USF2: variants seen among roughly 807,000 people sequenced by gnomAD.
USF2 encodes the protein upstream stimulatory factor 2.
A neutral mutation model predicts 46.9 loss-of-function variants in USF2; 16 were observed. The observed-to-expected ratio is 0.34, with a 90% CI of 0.23 to 0.52. The LOEUF (loss-of-function observed/expected upper bound fraction) is 0.52, where lower values mean the gene tolerates loss of function less well. Ranked by LOEUF, USF2 falls within the 20% of genes least tolerant of loss-of-function variation. The pLI is 0.96. For synonymous variants in USF2, 239 were observed against 194.1 expected (o/e 1.23, Z -1.92); for missense variants, 411 against 474.0 (o/e 0.87, Z 1.23).
intron 7 of USF2, chr19:35,277,203 T>C (rs1160547312): frequency 1.3e-5 from 2 of 152,254 alleles, no homozygotes; most frequent in African/African-American, 2.4e-5. Flanking sequence ...CGCACCGCGA[T>C]AGTAATAGGG....
intron 7 of USF2, among the ~76,000 whole-genome samples, chr19:35,274,069 G>A (rs1194216724): frequency 6.6e-6 from 1 of 152,206 alleles, no homozygotes; most frequent in Non-Finnish European, 1.5e-5. Context: ...GGTAATGCAA[G>A]GAACTGTGTT....
At position 35,269,618 on chromosome 19, in the gene USF2, G is replaced by A; in HGVS notation, c.147G>A (p.Val49=). Reference sequence around the variant, plus strand: ...CAGGAGCGGAGGAGCAGACAGCGGTGGCCATCACCAGCGTCCAGCAGGCGG... The same window carrying A: ...CAGGAGCGGAGGAGCAGACAGCGGTAGCCATCACCAGCGTCCAGCAGGCGG... ...DGPGAEEQTA[V]AITSVQQAAF... is the part of the protein sequence containing the mutation. The change falls in exon 3 of 10, where the codon GTG becomes GTA. Residue 49 remains valine (V), a synonymous_variant. Coordinates refer to ENST00000222305, the MANE Select transcript of USF2 (RefSeq NM_003367.4). The A allele has an allele frequency of 1.3e-6, 2 of 1,595,982 alleles. No individual in the cohort carries two copies. Among genetic ancestry groups the A allele is most frequent in the South Asian group, 1.1e-5 (1 of 88,950 alleles).
chr19:35,274,967 A>G (rs1453915216), intron 7 of USF2: 1 of 152,060 alleles, frequency 6.6e-6, no homozygotes, highest in African/African-American at 2.4e-5. Context: ...GTGAAATCTG[A>G]TTTTTAGGTG....
At chr19:35,271,273 A>C (rs1461754774) in intron 7 of USF2, 132 bp downstream of exon 7, 7 of 1,027,440 alleles carry the variant, frequency 6.8e-6, no homozygotes, top group Non-Finnish European at 1.0e-5. Context: ...GCTTTGCTGG[A>C]CGCTGTAAAG....
At chr19:35,269,186 G>GC in intron 1 of USF2, 23 bp downstream of exon 1, 1 of 989,874 alleles carries the variant, frequency 1.0e-6, no homozygotes, top group Non-Finnish European at 1.2e-6. Flanking sequence ...GCCCGGCCGT[G>GC]CCCCCGCGCC....
chr19:35,278,864 C>T, intron 8 of USF2, 72 bp downstream of exon 8: 1 of 1,606,318 alleles, frequency 6.2e-7, no homozygotes, highest in Non-Finnish European at 8.5e-7. Context: ...AGTCCAACAG[C>T]CATGGGGCTC....
intron 7 of USF2, among the ~76,000 whole-genome samples, chr19:35,271,586 A>T (rs1057423022): frequency 2.0e-5 from 3 of 152,198 alleles, no homozygotes; most frequent in Non-Finnish European, 4.4e-5. Flanking sequence ...GAGAAACTGC[A>T]TGAAGTTCTG....
At chr19:35,274,019 C>T (rs905299836) in intron 7 of USF2, among the ~76,000 whole-genome samples, 1 of 152,168 alleles carries the variant, frequency 6.6e-6, no homozygotes, top group Non-Finnish European at 1.5e-5. Context: ...GAGGACTGTT[C>T]CTTGATGTCC....
intron 7 of USF2, 101 bp from the exon 8 acceptor site, chr19:35,278,597 A>T (rs2066266305): frequency 8.9e-6 from 11 of 1,239,376 alleles, no homozygotes; most frequent in Non-Finnish European, 1.2e-5. Context: ...TGGGGCCTGC[A>T]CTGTTCCTGG....
intron 4 of USF2, 23 bp downstream of exon 4, chr19:35,270,026 G>T: frequency 7.4e-7 from 1 of 1,345,682 alleles, no homozygotes. Flanking sequence ...CCACCCCTGG[G>T]TGGGGGGGGG....
At chr19:35,277,233 C>T (rs796437568) in intron 7 of USF2, 5 of 152,474 alleles carry the variant, frequency 3.3e-5, no homozygotes, top group African/African-American at 1.2e-4. Flanking sequence ...CTCGCTGAGC[C>T]CAGTGCAGGG....
intron 7 of USF2, among the ~76,000 whole-genome samples, chr19:35,273,209 T>G (rs751152047): frequency 1.3e-5 from 2 of 152,154 alleles, no homozygotes; most frequent in Non-Finnish European, 2.9e-5. Flanking sequence ...AATCTGCTCA[T>G]CCTCCCAGTA....
intron 1 of USF2, 27 bp from the exon 2 acceptor site, chr19:35,269,419 C>A: frequency 6.8e-7 from 1 of 1,466,848 alleles, no homozygotes; most frequent in Non-Finnish European, 9.0e-7. Flanking sequence ...GCCGCGCTGA[C>A]CCTGCTCCCT....
At position 35,279,162 on chromosome 19, in the gene USF2, G is replaced by A. The variant is rs372149835; in HGVS notation, c.952-5G>A. 1.3e-5 allele frequency: 21 copies of A among 1,609,138 alleles called. No homozygotes were observed. The highest frequency in any genetic ancestry group is 3.4e-5 in the Admixed American group (2 of 59,286). The stretch of plus-strand genomic sequence containing the variant: ...AGCTCCCTTGACCTCCGTCGTGTCC[G>A]CCAGATCGAGGAGCTGAAGAATGAG... On this transcript the variant is annotated splice_region_variant and splice_polypyrimidine_tract_variant and intron_variant, in intron 9 of 9. Coordinates refer to ENST00000222305, the MANE Select transcript of USF2 (RefSeq NM_003367.4).
intron 7 of USF2, among the ~76,000 whole-genome samples, chr19:35,276,285 TG>T (rs773606964): frequency 1.1e-4 from 16 of 152,284 alleles, no homozygotes; most frequent in South Asian, 4.1e-4. Context: ...TTGGCCAGGC[TG>T]GTCTCAAACT....
At chr19:35,271,722 G>C (rs1387991042) in intron 7 of USF2, among the ~76,000 whole-genome samples, 1 of 152,258 alleles carries the variant, frequency 6.6e-6, no homozygotes, top group African/African-American at 2.4e-5. Flanking sequence ...GCACAGCACT[G>C]TGCAAGTGCC....
intron 7 of USF2, among the ~76,000 whole-genome samples, chr19:35,274,581 C>T (rs2145578325): frequency 6.6e-6 from 1 of 152,300 alleles, no homozygotes; most frequent in South Asian, 2.1e-4. Flanking sequence ...ACGGACGGAT[C>T]ACTTGAGCCC....
chr19:35,270,583 G>A lies in USF2; in HGVS notation c.566G>A (p.Ser189Asn). Reference protein sequence around the residue: ...TAVSVQTTDQSLQAGGQFYVM... With the variant: ...TAVSVQTTDQNLQAGGQFYVM... ...GTGTCCGTACAGACCACAGACCAGA[G>A]CTTGCAGGCTGGAGGTGAGGAGTAG... is the stretch of plus-strand genomic sequence containing the variant. The change falls in exon 5 of 10, where the codon AGC (serine) becomes AAC (asparagine). Residue 189 changes from serine to asparagine, a missense_variant. By Grantham distance (46) the Ser-to-Asn change is conservative (BLOSUM62 1). Transcript: ENST00000222305. 1 of 1,613,862 alleles carries A rather than the reference G, an allele frequency of 6.2e-7. No homozygotes were observed. Among genetic ancestry groups the A allele is most frequent in the South Asian group, 1.1e-5 (1 of 91,082 alleles).
chr19:35,278,658 T>C, intron 7 of USF2, 40 bp from the exon 8 acceptor site: 2 of 1,605,346 alleles, frequency 1.2e-6, no homozygotes, highest in Non-Finnish European at 1.7e-6. Context: ...TCAGGCATGA[T>C]CCGTCAGCGA....
Sources: allele counts gnomAD v4.1 joint callset (sites outside exome capture counted in the v4.1 genomes callset), GRCh38; gene constraint gnomAD v4.1.1; transcripts MANE v1.5; gene names NCBI Gene and HGNC (gene_info 2026-07-23, HGNC 2026-07-21).